Variants in SIPA1L1 observed in about 807,000 individuals in gnomAD.
The protein encoded by SIPA1L1 is signal induced proliferation associated 1 like 1.
Under a neutral mutation model 162.7 loss-of-function variants are expected in SIPA1L1, and 26 were observed. The observed-to-expected ratio is 0.16, with a 90% CI of 0.12 to 0.22. The LOEUF (loss-of-function observed/expected upper bound fraction) is 0.22. Ranked by LOEUF, SIPA1L1 falls within the 10% of genes least tolerant of loss-of-function variation. SIPA1L1 has a pLI of 1.00. For synonymous variants in SIPA1L1, 829 were observed against 837.4 expected, an observed-to-expected ratio of 0.99 and a Z score of 0.17; for missense variants, 1,874 against 2,241.0, an observed-to-expected ratio of 0.84 and a Z score of 3.31.
chr14:71,403,755 A>G (rs560209424), intron 2 of SIPA1L1, among the ~76,000 whole-genome samples: 3 of 152,236 alleles, frequency 2.0e-5, no homozygotes, highest in Admixed American at 2.0e-4. Flanking sequence ...TTGTGAGGTT[A>G]TAGTAAATGA....
At chr14:71,406,112 G>A (rs899134919) in intron 2 of SIPA1L1, among the ~76,000 whole-genome samples, 1 of 152,132 alleles carries the variant, frequency 6.6e-6, no homozygotes, top group Non-Finnish European at 1.5e-5. Flanking sequence ...TGGTCTTTGG[G>A]AGGTAGAATT....
chr14:71,738,825 ATC>A (rs1240211580), intron 23 of SIPA1L1, among the ~76,000 whole-genome samples, 191 bp from the exon 24 acceptor site: 2 of 152,162 alleles, frequency 1.3e-5, no homozygotes, highest in Non-Finnish European at 2.9e-5. Context: ...GCAGGGTTGA[ATC>A]TCTCTAGAAG....
chr14:71,608,562 T>G (rs2037800954), intron 5 of SIPA1L1, among the ~76,000 whole-genome samples: 1 of 152,182 alleles, frequency 6.6e-6, no homozygotes, highest in Non-Finnish European at 1.5e-5. Context: ...TTATAGTCAT[T>G]GACCATTTGC....
intron 13 of SIPA1L1, among the ~76,000 whole-genome samples, chr14:71,694,971 A>G (rs2081516610): frequency 6.6e-6 from 1 of 152,170 alleles, no homozygotes; most frequent in East Asian, 1.9e-4. Context: ...TGTGAGAGGT[A>G]CTGCTCCCAG....
At chr14:71,565,230 T>C (rs2030180744) in intron 4 of SIPA1L1, among the ~76,000 whole-genome samples, 1 of 152,238 alleles carries the variant, frequency 6.6e-6, no homozygotes, top group Admixed American at 6.5e-5. Flanking sequence ...TTGATCAATT[T>C]TTGTCTGTCT....
chr14:71,562,505 A>T (rs139398652), intron 4 of SIPA1L1, among the ~76,000 whole-genome samples: 61 of 152,356 alleles, frequency 4.0e-4, no homozygotes, highest in African/African-American at 1.4e-3. Context: ...TCAATAATGT[A>T]TCCAAAGTTG....
At chr14:71,501,009 A>C (rs1361848917) in intron 2 of SIPA1L1, among the ~76,000 whole-genome samples, 2 of 151,926 alleles carry the variant, frequency 1.3e-5, no homozygotes, top group Admixed American at 6.6e-5. Context: ...TCCGCCTCCA[A>C]AAACAAAACA....
At chr14:71,548,219 T>C (rs982138549) in intron 4 of SIPA1L1, among the ~76,000 whole-genome samples, 1 of 152,234 alleles carries the variant, frequency 6.6e-6, no homozygotes, top group African/African-American at 2.4e-5. Context: ...CATGTGCTAC[T>C]TAGTATCCAT....
At chr14:71,569,880 T>G (rs1319609352) in intron 4 of SIPA1L1, among the ~76,000 whole-genome samples, 1 of 152,228 alleles carries the variant, frequency 6.6e-6, no homozygotes, top group African/African-American at 2.4e-5. Context: ...GCCTCTTTCC[T>G]GCTTTCTTTA....
At chr14:71,480,410 T>C (rs1400955212) in intron 2 of SIPA1L1, among the ~76,000 whole-genome samples, 1 of 149,810 alleles carries the variant, frequency 6.7e-6, no homozygotes, top group Non-Finnish European at 1.5e-5. Context: ...TTTCACAAAT[T>C]GCACACATCT....
chr14:71,392,224 TAG>T (rs1212929881), intron 2 of SIPA1L1, among the ~76,000 whole-genome samples: 1 of 152,172 alleles, frequency 6.6e-6, no homozygotes, highest in African/African-American at 2.4e-5. Flanking sequence ...CCATAATCTG[TAG>T]GATGGAAGCT....
In SIPA1L1 at chr14:71,587,754, T is replaced by G; in HGVS notation, c.-119T>G. The G allele has an allele frequency of 1.1e-6, 1 of 930,044 alleles. No homozygotes were observed. Among genetic ancestry groups the G allele is most frequent in the Non-Finnish European group, 1.6e-6 (1 of 616,908 alleles). 57.6% of individuals were successfully genotyped at this position (930,044 alleles called of 1,614,324 possible). A position where few individuals can be genotyped will look rare whatever the true frequency, so the allele number is the denominator to read the frequency against. On this transcript the variant is annotated 5_prime_UTR_variant, in exon 5 of 24. In the 5' UTR this introduces an upstream ATG that the reference lacks. Coordinates refer to ENST00000381232, the MANE Select transcript of SIPA1L1 (RefSeq NM_001386936.1). The stretch of plus-strand genomic sequence containing the variant: ...ATTTAACCTTTTAAATGAAAAAGAT[T>G]AAGATCTCATGCAACTGTTGTATTT...
chr14:71,424,104 A>G (rs1195685617), intron 2 of SIPA1L1, among the ~76,000 whole-genome samples: 1 of 152,138 alleles, frequency 6.6e-6, no homozygotes, highest in East Asian at 1.9e-4. Flanking sequence ...TAGAAATGCA[A>G]CTGATTTTTG....
At chr14:71,599,880 A>AT (rs1003553614) in intron 5 of SIPA1L1, among the ~76,000 whole-genome samples, 5 of 150,710 alleles carry the variant, frequency 3.3e-5, no homozygotes, top group African/African-American at 7.3e-5. Context: ...GATGTTGAGC[A>AT]TTTTTTTTTA....
In SIPA1L1 at chr14:71,414,356, G is replaced by T. The variant is rs1021163597; in HGVS notation, c.-465+93175G>T. ...ATTGTGCCATTGCACTCCAGCCTGG[G>T]GGACAGGGCGAGACTCCATCTCAGG... On this transcript the variant is annotated intron_variant, in intron 2 of 23. Transcript: ENST00000381232. 9.2e-5 allele frequency among the ~76,000 whole-genome samples: 14 copies of T among 152,160 alleles called. 1 individual carries two copies. The highest frequency in any genetic ancestry group is 9.2e-4 in the Admixed American group (14 of 15,276).
chr14:71,683,033 A>G (rs186026964), intron 12 of SIPA1L1, among the ~76,000 whole-genome samples: 2 of 152,312 alleles, frequency 1.3e-5, no homozygotes, highest in East Asian at 3.9e-4. Flanking sequence ...GCACACCTGT[A>G]GTCCCAGCTA....
In SIPA1L1 at chr14:71,433,443, A is replaced by C. The variant is rs1468337339; in HGVS notation, c.-464-79300A>C. 2.0e-5 allele frequency among the ~76,000 whole-genome samples: 3 copies of C among 152,172 alleles called. No homozygotes were observed. In the South Asian group the frequency reaches 6.2e-4, roughly 32 times the overall value. On this transcript the variant is annotated intron_variant, in intron 2 of 23. Transcript: ENST00000381232. ...GCAATCTTCCAACCTCAGCTTCCTG[A>C]GTAGCTGGGACTATGGGTGTGCGCC...
chr14:71,643,988 A>G (rs1174506547), intron 7 of SIPA1L1, among the ~76,000 whole-genome samples: 1 of 152,070 alleles, frequency 6.6e-6, no homozygotes, highest in Non-Finnish European at 1.5e-5. Flanking sequence ...TTGTATTTTT[A>G]GTAGAGACGG....
Position 71,511,930 on chromosome 14 carries a change from C to A in SIPA1L1, c.-464-813C>A, listed in dbSNP as rs577431494. On this transcript the variant is annotated intron_variant, in intron 2 of 23. Transcript: ENST00000381232. ...GGTGCTGTGCCCCGAGAGGGCTTGC[C>A]TCCTCCCTTACCCCACGATATGCAT... Among the ~76,000 whole-genome samples, 6 of 152,288 alleles carry A rather than the reference C, an allele frequency of 3.9e-5. No individual in the cohort carries two copies. In the South Asian group the frequency reaches 1.2e-3, roughly 32 times the overall value.
Sources: gnomAD v4.1 joint callset for allele counts (sites outside exome capture counted in the v4.1 genomes callset) on GRCh38, gnomAD v4.1.1 for gene constraint, MANE v1.5 for transcripts, NCBI Gene and HGNC (gene_info 2026-07-23, HGNC 2026-07-21) for gene names.